ZNF445: variants seen among roughly 807,000 people sequenced by gnomAD.
ZNF445 encodes the protein zinc finger protein 445, also known as zinc finger protein 168.
Under a neutral mutation model 93.9 loss-of-function variants are expected in ZNF445, and 19 were observed. The observed-to-expected ratio is 0.20, with a 90% CI of 0.14 to 0.30. The LOEUF is 0.30. Among genes scored for constraint, ZNF445 ranks in the 10% least tolerant of loss-of-function variants. The pLI, the probability that ZNF445 is intolerant of heterozygous loss-of-function variation, is 1.00. For synonymous variants in ZNF445, 449 were observed against 446.3 expected (o/e 1.01, Z -0.08); for missense variants, 1,058 against 1,259.4 (o/e 0.84, Z 2.42).
chr3:44,446,710 A>G lies in ZNF445; in HGVS notation c.2961T>C (p.Phe987=). The G allele has an allele frequency of 1.2e-6, 2 of 1,614,218 alleles. No homozygotes were observed. Among genetic ancestry groups the G allele is most frequent in the Non-Finnish European group, 8.5e-7 (1 of 1,180,042 alleles). The change falls in exon 8 of 8, where the codon TTT becomes TTC. Residue 987 remains phenylalanine (F), a synonymous_variant. Coordinates refer to ENST00000396077, the MANE Select transcript of ZNF445 (RefSeq NM_181489.6). The surrounding 1 kb of genome is among the most constrained non-coding windows in gnomAD (Gnocchi z 4.2). ...CHKCSICGKT[F]NKSSQLISHK... The stretch of plus-strand genomic sequence containing the variant: ...GGCTAATGAGTTGTGAACTCTTGTT[A>G]AAAGTTTTCCCACATATGCTGCATT...
chr3:44,452,534 C>T (rs1240592521), intron 3 of ZNF445, among the ~76,000 whole-genome samples: 1 of 152,132 alleles, frequency 6.6e-6, no homozygotes, highest in Non-Finnish European at 1.5e-5. Context: ...CTCCCAGCCC[C>T]CACTGTCTTT....
intron 3 of ZNF445, chr3:44,454,891 T>C: frequency 1.7e-6 from 1 of 577,370 alleles, no homozygotes. Flanking sequence ...TATGGAGACT[T>C]GCTGACCCTA....
rs1194202882 is a variant in ZNF445, at chr3:44,432,709, G to C, written c.*13866C>G. On this transcript the variant is annotated 3_prime_UTR_variant, in exon 8 of 8. Coordinates refer to ENST00000396077, the MANE Select transcript of ZNF445 (RefSeq NM_181489.6). ...AGCATAATGTTTGATCAAATACCTG[G>C]GGACCTTGTGGCTCAGCCAAGTTGA... The C allele has an allele frequency of 2.0e-5, 3 of 152,228 alleles. No homozygotes were observed. Among genetic ancestry groups the C allele is most frequent in the Admixed American group, 6.5e-5 (1 of 15,278 alleles). 9.4% of individuals were successfully genotyped at this position (152,228 alleles called of 1,614,324 possible). A position where few individuals can be genotyped will look rare whatever the true frequency, so the allele number is the denominator to read the frequency against.
At position 44,437,271 on chromosome 3, in the gene ZNF445, T is replaced by C. The variant is rs1244069469; in HGVS notation, c.*9304A>G. 2 of 152,146 alleles carry C rather than the reference T, an allele frequency of 1.3e-5. No individual in the cohort carries two copies. The highest frequency in any genetic ancestry group is 2.9e-5 in the Non-Finnish European group (2 of 68,024). The allele number at this position is 152,146 out of a possible 1,614,324, so 9.4% of individuals were successfully genotyped here. A position where few individuals can be genotyped will look rare whatever the true frequency, so the allele number is the denominator to read the frequency against. On this transcript the variant is annotated 3_prime_UTR_variant, in exon 8 of 8. Coordinates refer to ENST00000396077, the MANE Select transcript of ZNF445 (RefSeq NM_181489.6). ...TTTTGGTGGGTTTTAGCTGGCTTCT[T>C]TACTGCAACCTGCTTTATCAGCAAG...
chr3:44,447,022 A>T lies in ZNF445; in HGVS notation c.2649T>A (p.Leu883=). 6.2e-7 allele frequency: 1 copy of T among 1,614,228 alleles called. No homozygotes were observed. The highest frequency in any genetic ancestry group is 8.5e-7 in the Non-Finnish European group (1 of 1,180,046). The part of the protein sequence containing the change: ...CGKSYDRNYR[L]VNHQRIHSTE... ...TAGAGTGGATCCTCTGATGGTTAACAAGGCGATAGTTTCTATCATAAGATT... is the reference window on the plus strand; with the variant it reads ...TAGAGTGGATCCTCTGATGGTTAACTAGGCGATAGTTTCTATCATAAGATT... Residue 883 remains leucine, a synonymous_variant, in exon 8 of 8, where the codon CTT becomes CTA. Coordinates refer to ENST00000396077, the MANE Select transcript of ZNF445 (RefSeq NM_181489.6). The surrounding 1 kb of genome is among the most constrained non-coding windows in gnomAD (Gnocchi z 4.7).
At chr3:44,448,855 C>A in intron 7 of ZNF445, 116 bp from the exon 8 acceptor site, 1 of 1,249,354 alleles carries the variant, frequency 8.0e-7, no homozygotes, top group Non-Finnish European at 1.1e-6. Context: ...CTGCCAATAC[C>A]TTTATAAAAT....
Position 44,447,741 on chromosome 3 carries a change from T to C in ZNF445, c.1930A>G (p.Met644Val). ...AATTTTTCCTCCTCATGCAACCTCA[T>C]ATGACGAGTAAAGTTTGATCTCCAT... ...FRWRSNFTRH[M>V]RLHEEEKFYK... Residue 644 changes from methionine (M) to valine (V), a missense_variant, in exon 8 of 8, where the codon ATG becomes GTG. Around this residue, in one of 3 missense-constraint regions of ZNF445, gnomAD observed 387 missense variants for 475.7 expected, o/e 0.81. Coordinates refer to ENST00000396077, the MANE Select transcript of ZNF445 (RefSeq NM_181489.6). This position sits in a 1 kb window ranked among gnomAD's most constrained non-coding sequence, Gnocchi z 4.7. The C allele has an allele frequency of 2.5e-6, 4 of 1,614,204 alleles. No homozygotes were observed. The highest frequency in any genetic ancestry group is 3.4e-6 in the Non-Finnish European group (4 of 1,180,046).
At chr3:44,465,269 C>T (rs2125684061) in intron 1 of ZNF445, among the ~76,000 whole-genome samples, 1 of 152,108 alleles carries the variant, frequency 6.6e-6, no homozygotes, top group South Asian at 2.1e-4. Context: ...GTAATTTTGT[C>T]TATTTCAGAA....
chr3:44,460,734 T>C (rs1698102749), intron 1 of ZNF445, among the ~76,000 whole-genome samples: 2 of 152,340 alleles, frequency 1.3e-5, no homozygotes, highest in Admixed American at 6.5e-5. Flanking sequence ...GTAATACAAC[T>C]CTGGTCTCCC....
rs771085783 is a variant in ZNF445 at position 44,455,142 on chromosome 3, G to A, written c.408C>T (p.Asp136=). ...TCACCCTCCAGGATGTCCCATCAAG[G>A]TCCCTCTGCAGCTCCTCCAGCAAGG... ...AVALLEELQR[D]LDGTSWRDPG... is the part of the protein sequence containing the mutation. Residue 136 remains aspartate, a synonymous_variant, in exon 3 of 8, where the codon GAC becomes GAT. Transcript: ENST00000396077. 1 of 1,613,956 alleles carries A rather than the reference G, an allele frequency of 6.2e-7. No individual in the cohort carries two copies. Among genetic ancestry groups the A allele is most frequent in the African/African-American group, 1.3e-5 (1 of 74,882 alleles).
At position 44,445,650 on chromosome 3, in the gene ZNF445, T is replaced by C. The variant is rs1431701825; in HGVS notation, c.*925A>G. On this transcript the variant is annotated 3_prime_UTR_variant, in exon 8 of 8. Transcript: ENST00000396077. Reference sequence around the variant, plus strand: ...CTTCCTTCACGTCTTTGCTCACATTTCACCTTCTCAGTTGAGGCCCTCCCT... The same window carrying C: ...CTTCCTTCACGTCTTTGCTCACATTCCACCTTCTCAGTTGAGGCCCTCCCT... 1 of 152,570 alleles carries C rather than the reference T, an allele frequency of 6.6e-6. No homozygotes were observed. The highest frequency in any genetic ancestry group is 2.4e-5 in the African/African-American group (1 of 41,450). The allele number at this position is 152,570 out of a possible 1,614,324, so 9.5% of individuals were successfully genotyped here. A position where few individuals can be genotyped will look rare whatever the true frequency, so the allele number is the denominator to read the frequency against.
In ZNF445 at chr3:44,455,030, T is replaced by C. The variant is rs564611189; in HGVS notation, c.429+91A>G. 3.3e-6 allele frequency: 5 copies of C among 1,493,984 alleles called. No homozygotes were observed. In the African/African-American group the frequency reaches 4.1e-5, roughly 12 times the overall value. The allele number at this position is 1,493,984 out of a possible 1,614,324, so 92.5% of individuals were successfully genotyped here. ...AAGGCTTCCCCTGCACTCCTCTATATTGACAGTTTAGAGGGCCACCCCCAT... is the reference window on the plus strand; with the variant it reads ...AAGGCTTCCCCTGCACTCCTCTATACTGACAGTTTAGAGGGCCACCCCCAT... On this transcript the variant is annotated intron_variant, in intron 3 of 7. Transcript: ENST00000396077.
rs1167933010 is a variant in ZNF445 at position 44,446,981 on chromosome 3, T to C, written c.2690A>G (p.Lys897Arg). 2.5e-6 allele frequency: 4 copies of C among 1,614,226 alleles called. No homozygotes were observed. The highest frequency in any genetic ancestry group is 2.7e-5 in the African/African-American group (2 of 75,058). Reference sequence around the variant, plus strand: ...GAACTCTTTCCCACACCACTGACATTTGAAAGGTCTCTCTGTAGAGTGGAT... The same window carrying C: ...GAACTCTTTCCCACACCACTGACATCTGAAAGGTCTCTCTGTAGAGTGGAT... ...QRIHSTERPF[K>R]CQWCGKEFIG... The change falls in exon 8 of 8, where the codon AAA becomes AGA. Residue 897 changes from lysine (K) to arginine (R), a missense_variant. Transcript: ENST00000396077. This position sits in a 1 kb window ranked among gnomAD's most constrained non-coding sequence, Gnocchi z 4.2.
rs1031744090 is a variant in ZNF445 at position 44,444,696 on chromosome 3, T to A, written c.*1879A>T. On this transcript the variant is annotated 3_prime_UTR_variant, in exon 8 of 8. Coordinates refer to ENST00000396077, the MANE Select transcript of ZNF445 (RefSeq NM_181489.6). ...CATCAGAACACCAACAGGAGACTTC[T>A]GCCCCGCCCCCACCATCCTGTGACA... The A allele has an allele frequency of 2.0e-5, 3 of 152,506 alleles. No individual in the cohort carries two copies. The highest frequency in any genetic ancestry group is 2.9e-5 in the Non-Finnish European group (2 of 68,184). The allele number at this position is 152,506 out of a possible 1,614,324, so 9.4% of individuals were successfully genotyped here. A position where few individuals can be genotyped will look rare whatever the true frequency, so the allele number is the denominator to read the frequency against.
chr3:44,434,765 C>G lies in ZNF445; in HGVS notation c.*11810G>C, dbSNP rs1697641525. 1 of 152,146 alleles carries G rather than the reference C, an allele frequency of 6.6e-6. No homozygotes were observed. The highest frequency in any genetic ancestry group is 1.5e-5 in the Non-Finnish European group (1 of 68,034). The allele number at this position is 152,146 out of a possible 1,614,324, so 9.4% of individuals were successfully genotyped here. A position where few individuals can be genotyped will look rare whatever the true frequency, so the allele number is the denominator to read the frequency against. ...ATTCACCAGATGGGTAACTGGGCAG[C>G]CAAGGGGATAATCGGATCGGGTGTG... On this transcript the variant is annotated 3_prime_UTR_variant, in exon 8 of 8. Coordinates refer to ENST00000396077, the MANE Select transcript of ZNF445 (RefSeq NM_181489.6).
chr3:44,449,993 T>C (rs1228162577), intron 6 of ZNF445: 7 of 299,384 alleles, frequency 2.3e-5, no homozygotes, highest in Non-Finnish European at 2.6e-5. Flanking sequence ...CAAGCTGGAG[T>C]GCAGTGGTGC....
Position 44,448,286 on chromosome 3 carries a change from C to T in ZNF445, c.1385G>A (p.Cys462Tyr), listed in dbSNP as rs780464089. 6.2e-7 allele frequency: 1 copy of T among 1,614,190 alleles called. No individual in the cohort carries two copies. The highest frequency in any genetic ancestry group is 8.5e-7 in the Non-Finnish European group (1 of 1,180,046). The stretch of plus-strand genomic sequence containing the variant: ...AGAGCTAAGGCTGAAGTCTTTTCCA[C>T]ACACGTCCTTTTTGTTCCCTTTCAG... ...SGLKGNKKDV[C>Y]GKDFSLSSHH... The change falls in exon 8 of 8, where the codon TGT becomes TAT. Residue 462 changes from cysteine (C) to tyrosine (Y), a missense_variant. Cys to Tyr is a radical substitution (Grantham distance 194). Coordinates refer to ENST00000396077, the MANE Select transcript of ZNF445 (RefSeq NM_181489.6).
At position 44,446,549 on chromosome 3, in the gene ZNF445, C is replaced by A. The variant is rs780110435; in HGVS notation, c.*26G>T. ...CTCTAGCAGGGGACTGAGAACCCAC[C>A]CCCACTGTCACTGTCAGGTCCCAGG... On this transcript the variant is annotated 3_prime_UTR_variant, in exon 8 of 8. Coordinates refer to ENST00000396077, the MANE Select transcript of ZNF445 (RefSeq NM_181489.6). The surrounding 1 kb of genome is among the most constrained non-coding windows in gnomAD (Gnocchi z 4.2). The A allele has an allele frequency of 3.2e-5, 51 of 1,613,404 alleles. No individual in the cohort carries two copies. The highest frequency in any genetic ancestry group is 4.1e-5 in the Non-Finnish European group (48 of 1,179,952).
chr3:44,449,670 G>T, intron 6 of ZNF445, 47 bp from the exon 7 acceptor site: 2 of 1,489,484 alleles, frequency 1.3e-6, no homozygotes, highest in Non-Finnish European at 1.9e-6. Flanking sequence ...GGATGACACA[G>T]AACTACTCTT....
Sources: allele counts gnomAD v4.1 joint callset (sites outside exome capture counted in the v4.1 genomes callset), GRCh38; gene constraint gnomAD v4.1.1; regional missense constraint gnomAD v4.1.1; non-coding constraint Gnocchi (gnomAD v3.1); transcripts MANE v1.5; gene names NCBI Gene and HGNC (gene_info 2026-07-23, HGNC 2026-07-21).